The following AVPR1A variants were observed in gnomAD, a reference collection of about 807,000 sequenced individuals.
The protein encoded by AVPR1A is vasopressin V1a receptor.
AVPR1A carries 31 observed loss-of-function variants against 31.5 expected under a neutral mutation model. The ratio of observed to expected loss-of-function variants is 0.99; its 90% CI spans 0.74 to 1.33. AVPR1A has a LOEUF of 1.33. Ranked by LOEUF, AVPR1A falls within the 40% of genes most tolerant of loss-of-function variation. The pLI, the probability that AVPR1A is intolerant of heterozygous loss-of-function variation, is 0.00. For missense variants in AVPR1A, 570 were observed against 575.2 expected (o/e 0.99, Z 0.09); for synonymous variants, 243 against 233.2 (o/e 1.04, Z -0.38).
chr12:63,150,845 T>C lies in AVPR1A; in HGVS notation c.-9A>G, dbSNP rs970457465. 1.7e-5 allele frequency: 27 copies of C among 1,563,748 alleles called. No homozygotes were observed. The highest frequency in any genetic ancestry group is 2.3e-5 in the Non-Finnish European group (27 of 1,163,072). On this transcript the variant is annotated 5_prime_UTR_variant, in exon 1 of 2. The change abolishes an upstream ATG in the 5' untranslated region. Transcript: ENST00000299178. The surrounding 1 kb of genome is among the most constrained non-coding windows in gnomAD (Gnocchi z 4.9). ...CCGGCGGAGAGACGCATGCTGTCCA[T>C]GCAGCTCCTACTCGGCCCTCTTCGG... is the stretch of plus-strand genomic sequence containing the variant.
In AVPR1A at chr12:63,147,114, T is replaced by C; in HGVS notation, c.*245A>G. 2.3e-6 allele frequency: 1 copy of C among 430,566 alleles called. No homozygotes were observed. The highest frequency in any genetic ancestry group is 4.1e-6 in the Non-Finnish European group (1 of 243,886). 26.7% of individuals were successfully genotyped at this position (430,566 alleles called of 1,614,324 possible). A position where few individuals can be genotyped will look rare whatever the true frequency, so the allele number is the denominator to read the frequency against. On this transcript the variant is annotated 3_prime_UTR_variant, in exon 2 of 2. Coordinates refer to ENST00000299178, the MANE Select transcript of AVPR1A (RefSeq NM_000706.5). ...TGATTTTTCCTTTAAAAATATAACTTCTGTTGTATTTCTGGGAATCAGACC... is the reference window on the plus strand; with the variant it reads ...TGATTTTTCCTTTAAAAATATAACTCCTGTTGTATTTCTGGGAATCAGACC...
rs1565878023 is a variant in AVPR1A at position 63,147,151 on chromosome 12, G to A, written c.*208C>T. 1.7e-6 allele frequency: 1 copy of A among 577,040 alleles called. No homozygotes were observed. The highest frequency in any genetic ancestry group is 3.0e-6 in the Non-Finnish European group (1 of 338,162). The allele number at this position is 577,040 out of a possible 1,614,324, so 35.7% of individuals were successfully genotyped here. On this transcript the variant is annotated 3_prime_UTR_variant, in exon 2 of 2. Transcript: ENST00000299178. ...CTGGGAATCAGACCTGCATATTTTA[G>A]TACAGCATGTTTCCATTAATATTCC...
In AVPR1A at chr12:63,146,845, C is replaced by T. The variant is rs1868365094; in HGVS notation, c.*514G>A. On this transcript the variant is annotated 3_prime_UTR_variant, in exon 2 of 2. Coordinates refer to ENST00000299178, the MANE Select transcript of AVPR1A (RefSeq NM_000706.5). ...CATTACACCCCAGGCACTTGTACTC[C>T]TAGGAGGTACCATCCCATCTCCTGG... is the stretch of plus-strand genomic sequence containing the variant. The T allele has an allele frequency of 6.4e-6, 1 of 156,128 alleles. No individual in the cohort carries two copies. The highest frequency in any genetic ancestry group is 1.4e-5 in the Non-Finnish European group (1 of 70,376). The allele number at this position is 156,128 out of a possible 1,614,324, so 9.7% of individuals were successfully genotyped here.
At position 63,150,165 on chromosome 12, in the gene AVPR1A, G is replaced by T; in HGVS notation, c.672C>A (p.Ile224=). Residue 224 remains isoleucine, a synonymous_variant, in exon 1 of 2, where the codon ATC becomes ATA. Transcript: ENST00000299178. This position sits in a 1 kb window ranked among gnomAD's most constrained non-coding sequence, Gnocchi z 4.9. ...CCAAGATGACCACGGGCGCCACAAA[G>T]ATGCCGCCCGTCATCCAGGTCACGT... ...RAYVTWMTGG[I]FVAPVVILGT... 6.2e-7 allele frequency: 1 copy of T among 1,613,996 alleles called. No homozygotes were observed. Among genetic ancestry groups the T allele is most frequent in the Non-Finnish European group, 8.5e-7 (1 of 1,180,048 alleles).
In AVPR1A at chr12:63,143,542, C is replaced by T. The variant is rs555263255; in HGVS notation, c.*3817G>A. The T allele has an allele frequency of 4.6e-5, 7 of 152,282 alleles. No homozygotes were observed. The highest frequency in any genetic ancestry group is 2.1e-4 in the South Asian group (1 of 4,830). 9.4% of individuals were successfully genotyped at this position (152,282 alleles called of 1,614,324 possible). Reference sequence around the variant, plus strand: ...TAAGCACTCAAAAGAAAGAAACTGTCTTCTGAATAGTTCCTAAATTTTGGC... The same window carrying T: ...TAAGCACTCAAAAGAAAGAAACTGTTTTCTGAATAGTTCCTAAATTTTGGC... On this transcript the variant is annotated 3_prime_UTR_variant, in exon 2 of 2. Coordinates refer to ENST00000299178, the MANE Select transcript of AVPR1A (RefSeq NM_000706.5).
In AVPR1A at chr12:63,150,427, G is replaced by C; in HGVS notation, c.410C>G (p.Ala137Gly). Residue 137 changes from alanine to glycine, a missense_variant, in exon 1 of 2, where the codon GCG becomes GGG. Transcript: ENST00000299178. The surrounding 1 kb of genome is among the most constrained non-coding windows in gnomAD (Gnocchi z 4.9). Reference sequence around the variant, plus strand: ...CATGACTACCAGCATGTAGGCCGACGCAAACATGCCGAACACCTGCAGGTG... The same window carrying C: ...CATGACTACCAGCATGTAGGCCGACCCAAACATGCCGAACACCTGCAGGTG... ...VKHLQVFGMFASAYMLVVMTA... is the reference protein window; with the variant it reads ...VKHLQVFGMFGSAYMLVVMTA... 4.3e-6 allele frequency: 7 copies of C among 1,613,680 alleles called. No homozygotes were observed. Among genetic ancestry groups the C allele is most frequent in the Non-Finnish European group, 5.9e-6 (7 of 1,179,912 alleles).
Position 63,147,216 on chromosome 12 carries a change from T to C in AVPR1A, c.*143A>G. On this transcript the variant is annotated 3_prime_UTR_variant, in exon 2 of 2. Coordinates refer to ENST00000299178, the MANE Select transcript of AVPR1A (RefSeq NM_000706.5). Reference sequence around the variant, plus strand: ...CTAGTTTTTGGTAGCAATATGAAAATGCAACTAGAAACACAGTCTCATACA... The same window carrying C: ...CTAGTTTTTGGTAGCAATATGAAAACGCAACTAGAAACACAGTCTCATACA... 1.0e-6 allele frequency: 1 copy of C among 985,204 alleles called. No homozygotes were observed. Among genetic ancestry groups the C allele is most frequent in the East Asian group, 2.6e-5 (1 of 38,590 alleles). 61.0% of individuals were successfully genotyped at this position (985,204 alleles called of 1,614,324 possible). A position where few individuals can be genotyped will look rare whatever the true frequency, so the allele number is the denominator to read the frequency against.
At chr12:63,147,728 C>G in intron 1 of AVPR1A, 83 bp from the exon 2 acceptor site, 1 of 1,382,306 alleles carries the variant, frequency 7.2e-7, no homozygotes, top group Non-Finnish European at 9.9e-7. Context: ...ATTAAGAAGG[C>G]ATAAACTTCT....
chr12:63,145,324 T>G lies in AVPR1A; in HGVS notation c.*2035A>C. 1 of 452,692 alleles carries G rather than the reference T, an allele frequency of 2.2e-6. No homozygotes were observed. Among genetic ancestry groups the G allele is most frequent in the Non-Finnish European group, 4.4e-6 (1 of 225,946 alleles). The allele number at this position is 452,692 out of a possible 1,614,324, so 28.0% of individuals were successfully genotyped here. On this transcript the variant is annotated 3_prime_UTR_variant, in exon 2 of 2. Transcript: ENST00000299178. ...CTGAGAATTTCAAAAGGCAGAAGAA[T>G]GAAGAGGAGTGAAGTTATCGCTTCC...
Position 63,150,374 on chromosome 12 carries a change from G to A in AVPR1A, c.463C>T (p.His155Tyr), listed in dbSNP as rs763262198. 1.2e-6 allele frequency: 2 copies of A among 1,613,890 alleles called. No individual in the cohort carries two copies. The highest frequency in any genetic ancestry group is 1.7e-6 in the Non-Finnish European group (2 of 1,179,974). ...GGCTGTTGCAGAGTCTTGAGCGGGT[G>A]GCACACCGCGATGTAGCGGTCGGCT... ...MTADRYIAVC[H>Y]PLKTLQQPAR... The change falls in exon 1 of 2, where the codon CAC becomes TAC. Residue 155 changes from histidine to tyrosine, a missense_variant. His to Tyr is a moderately conservative substitution (Grantham distance 83). Coordinates refer to ENST00000299178, the MANE Select transcript of AVPR1A (RefSeq NM_000706.5). This position sits in a 1 kb window ranked among gnomAD's most constrained non-coding sequence, Gnocchi z 4.9.
intron 1 of AVPR1A, among the ~76,000 whole-genome samples, chr12:63,148,833 G>A (rs1868400259): frequency 6.6e-6 from 1 of 151,938 alleles, no homozygotes; most frequent in South Asian, 2.1e-4. Flanking sequence ...ATTCCAAAAA[G>A]CAAAAGGAGA....
rs1868374358 is a variant in AVPR1A, at chr12:63,147,432, G to C, written c.1184C>G (p.Thr395Arg). ...QTFYSNNRSP[T>R]NSTGMWKDSP... Reference sequence around the variant, plus strand: ...GTCCTTCCACATACCCGTACTGTTTGTTGGGCTTCGATTGTTAGAATAAAA... The same window carrying C: ...GTCCTTCCACATACCCGTACTGTTTCTTGGGCTTCGATTGTTAGAATAAAA... The change falls in exon 2 of 2, where the codon ACA (threonine) becomes AGA (arginine). Residue 395 changes from threonine to arginine, a missense_variant. Transcript: ENST00000299178. The C allele has an allele frequency of 1.9e-6, 3 of 1,614,120 alleles. No individual in the cohort carries two copies. Among genetic ancestry groups the C allele is most frequent in the East Asian group, 2.2e-5 (1 of 44,864 alleles).
At position 63,147,234 on chromosome 12, in the gene AVPR1A, C is replaced by T. The variant is rs1384020297; in HGVS notation, c.*125G>A. The T allele has an allele frequency of 8.6e-7, 1 of 1,167,218 alleles. No homozygotes were observed. The allele number at this position is 1,167,218 out of a possible 1,614,324, so 72.3% of individuals were successfully genotyped here. ...ATGAAAATGCAACTAGAAACACAGT[C>T]TCATACACAATGAATTGATTTATGG... is the stretch of plus-strand genomic sequence containing the variant. On this transcript the variant is annotated 3_prime_UTR_variant, in exon 2 of 2. Transcript: ENST00000299178.
At position 63,150,970 on chromosome 12, in the gene AVPR1A, T is replaced by C. The variant is rs184062471; in HGVS notation, c.-134A>G. The C allele has an allele frequency of 1.1e-5, 14 of 1,328,056 alleles. No homozygotes were observed. The highest frequency in any genetic ancestry group is 2.7e-4 in the Middle Eastern group (1 of 3,692). 82.3% of individuals were successfully genotyped at this position (1,328,056 alleles called of 1,614,324 possible). A position where few individuals can be genotyped will look rare whatever the true frequency, so the allele number is the denominator to read the frequency against. On this transcript the variant is annotated 5_prime_UTR_variant, in exon 1 of 2. Coordinates refer to ENST00000299178, the MANE Select transcript of AVPR1A (RefSeq NM_000706.5). The surrounding 1 kb of genome is among the most constrained non-coding windows in gnomAD (Gnocchi z 4.9). ...GGCGCGCTCGCAGCTTGCCGGGCTCTGCGATCCCTCCAGTGGGCGTCTCCC... is the reference window on the plus strand; with the variant it reads ...GGCGCGCTCGCAGCTTGCCGGGCTCCGCGATCCCTCCAGTGGGCGTCTCCC...
In AVPR1A at chr12:63,150,905, T is replaced by C. The variant is rs1868471600; in HGVS notation, c.-69A>G. ...CCTCGCGGGCCGCTCCCTCCCCGTC[T>C]CGGAGGACTTGGGCTCCTCGTCCGA... On this transcript the variant is annotated 5_prime_UTR_variant, in exon 1 of 2. Coordinates refer to ENST00000299178, the MANE Select transcript of AVPR1A (RefSeq NM_000706.5). This position sits in a 1 kb window ranked among gnomAD's most constrained non-coding sequence, Gnocchi z 4.9. 1 of 1,444,914 alleles carries C rather than the reference T, an allele frequency of 6.9e-7. No homozygotes were observed. The highest frequency in any genetic ancestry group is 1.4e-5 in the African/African-American group (1 of 69,988). 89.5% of individuals were successfully genotyped at this position (1,444,914 alleles called of 1,614,324 possible).
chr12:63,147,515 T>C lies in AVPR1A; in HGVS notation c.1101A>G (p.Gln367=), dbSNP rs1868376557. The change falls in exon 2 of 2, where the codon CAA becomes CAG. Residue 367 remains glutamine (Q), a synonymous_variant. Coordinates refer to ENST00000299178, the MANE Select transcript of AVPR1A (RefSeq NM_000706.5). Reference sequence around the variant, plus strand: ...CTTTGTTGAATTTTTCCTTCATGTTTTGGCAGCATGGGAAGCTTTGAACAC... The same window carrying C: ...CTTTGTTGAATTTTTCCTTCATGTTCTGGCAGCATGGGAAGCTTTGAACAC... The part of the protein sequence containing the change: ...QDCVQSFPCC[Q]NMKEKFNKED... 6.2e-7 allele frequency: 1 copy of C among 1,614,026 alleles called. No individual in the cohort carries two copies. Among genetic ancestry groups the C allele is most frequent in the African/African-American group, 1.3e-5 (1 of 74,928 alleles).
In AVPR1A at chr12:63,150,815, C is replaced by G; in HGVS notation, c.22G>C (p.Asp8His). ...CTGGAGTTGCCCGAGGGCCCCGCGT[C>G]GGGACCGGCGGAGAGACGCATGCTG... is the stretch of plus-strand genomic sequence containing the variant. MRLSAGP[D>H]AGPSGNSSPW... The change falls in exon 1 of 2, where the codon GAC (aspartate) becomes CAC (histidine). Residue 8 changes from aspartate to histidine, a missense_variant. Physicochemically the swap from Asp to His is moderately conservative, Grantham distance 81. Coordinates refer to ENST00000299178, the MANE Select transcript of AVPR1A (RefSeq NM_000706.5). This position sits in a 1 kb window ranked among gnomAD's most constrained non-coding sequence, Gnocchi z 4.9. 1.3e-6 allele frequency: 2 copies of G among 1,589,448 alleles called. No homozygotes were observed. Among genetic ancestry groups the G allele is most frequent in the South Asian group, 1.1e-5 (1 of 90,512 alleles).
rs1868358689 is a variant in AVPR1A at position 63,146,260 on chromosome 12, G to A, written c.*1099C>T. The A allele has an allele frequency of 6.6e-6, 1 of 152,208 alleles. No homozygotes were observed. Among genetic ancestry groups the A allele is most frequent in the South Asian group, 2.1e-4 (1 of 4,830 alleles). 9.4% of individuals were successfully genotyped at this position (152,208 alleles called of 1,614,324 possible). A position where few individuals can be genotyped will look rare whatever the true frequency, so the allele number is the denominator to read the frequency against. On this transcript the variant is annotated 3_prime_UTR_variant, in exon 2 of 2. Coordinates refer to ENST00000299178, the MANE Select transcript of AVPR1A (RefSeq NM_000706.5). ...GTGGATTTAATAATGAAGGAAGCCA[G>A]TCTGGGCACAGAGCAGTTCTCTTTC...
chr12:63,149,819 C>T lies in AVPR1A; in HGVS notation c.970+48G>A, dbSNP rs185145148. 16,457 of 1,584,590 alleles carry T rather than the reference C, an allele frequency of 0.01. 140 individuals carry two copies. The highest frequency in any genetic ancestry group is 0.027 in the Middle Eastern group (159 of 5,880). On this transcript the variant is annotated intron_variant, in intron 1 of 1. Transcript: ENST00000299178. ...TCTCTCACACACACACACACACACA[C>T]ACACACACTCCTATCCCTGCACTTT...
Sources: allele counts gnomAD v4.1 joint callset (sites outside exome capture counted in the v4.1 genomes callset), GRCh38; gene constraint gnomAD v4.1.1; non-coding constraint Gnocchi (gnomAD v3.1); transcripts MANE v1.5; gene names NCBI Gene and HGNC (gene_info 2026-07-23, HGNC 2026-07-21).